The following CDC73 variants were observed in gnomAD, a reference collection of about 807,000 sequenced individuals.
CDC73 encodes cell division cycle 73, also known as parafibromin.
Under a neutral mutation model 83.7 loss-of-function variants are expected in CDC73, and 21 were observed. The ratio of observed to expected loss-of-function variants is 0.25; its 90% CI spans 0.18 to 0.36. CDC73 has a LOEUF of 0.36. Ranked by LOEUF, CDC73 falls within the 10% of genes least tolerant of loss-of-function variation. The probability of loss-of-function intolerance (pLI) is 1.00; values close to 1 mark genes in which losing one functional copy is unlikely to be tolerated. For missense variants in CDC73, 342 were observed against 653.3 expected, an observed-to-expected ratio of 0.52 and a Z score of 5.19; for synonymous variants, 224 against 212.9, an observed-to-expected ratio of 1.05 and a Z score of -0.45.
intron 10 of CDC73, among the ~76,000 whole-genome samples, chr1:193,177,398 C>T (rs1164426420): frequency 6.9e-6 from 1 of 145,560 alleles, no homozygotes. Context: ...GGCGCGGTGG[C>T]AGGCACCTGT....
intron 15 of CDC73, among the ~76,000 whole-genome samples, chr1:193,240,458 C>A (rs1164168478): frequency 2.6e-5 from 4 of 152,176 alleles, no homozygotes; most frequent in African/African-American, 9.6e-5. Flanking sequence ...AGTGGCTCTA[C>A]TAACTTATAT....
chr1:193,240,036 A>C (rs949023616), intron 15 of CDC73, among the ~76,000 whole-genome samples: 10 of 152,122 alleles, frequency 6.6e-5, no homozygotes, highest in Admixed American at 2.0e-4. Flanking sequence ...CCAACCCTCT[A>C]GTATCTTATC....
At chr1:193,180,899 C>T (rs1465693031) in intron 10 of CDC73, 1 of 1,613,806 alleles carries the variant, frequency 6.2e-7, no homozygotes, top group Non-Finnish European at 8.5e-7. Flanking sequence ...TAGTACGTAT[C>T]TAAGTATTCC....
chr1:193,242,156 G>A (rs1677873842), intron 15 of CDC73, among the ~76,000 whole-genome samples: 3 of 148,866 alleles, frequency 2.0e-5, no homozygotes. Context: ...TAGGGTGTAA[G>A]GACTCTTGGG....
chr1:193,124,367 A>G (rs1490786232), intron 1 of CDC73, among the ~76,000 whole-genome samples: 1 of 152,182 alleles, frequency 6.6e-6, no homozygotes, highest in Admixed American at 6.6e-5. Context: ...ACAATAATTG[A>G]TGGTGTGTGG....
At chr1:193,140,648 T>C (rs892461430) in intron 6 of CDC73, among the ~76,000 whole-genome samples, 1 of 152,174 alleles carries the variant, frequency 6.6e-6, no homozygotes, top group African/African-American at 2.4e-5. Context: ...ATTAAGCGAC[T>C]AACAGGCAGT....
chr1:193,180,660 G>T, intron 10 of CDC73: 3 of 1,614,072 alleles, frequency 1.9e-6, no homozygotes, highest in Non-Finnish European at 2.5e-6. Context: ...TTGGGTAGAG[G>T]TCTGGTGGCA....
intron 11 of CDC73, among the ~76,000 whole-genome samples, chr1:193,207,628 A>G (rs1236303764): frequency 6.6e-6 from 1 of 152,166 alleles, no homozygotes; most frequent in Non-Finnish European, 1.5e-5. Context: ...CTGCAAGAAG[A>G]AAAATATGGC....
chr1:193,150,242 G>T, intron 8 of CDC73, 62 bp from the exon 9 acceptor site: 1 of 1,204,734 alleles, frequency 8.3e-7, no homozygotes, highest in Non-Finnish European at 1.2e-6. Flanking sequence ...CTGCACTCCA[G>T]CACATTAAAT....
At chr1:193,209,881 C>T (rs1485207162) in intron 11 of CDC73, among the ~76,000 whole-genome samples, 1 of 152,150 alleles carries the variant, frequency 6.6e-6, no homozygotes, top group Middle Eastern at 3.4e-3. Flanking sequence ...TTCCTCTCCC[C>T]CCTCTCTGCC....
chr1:193,222,391 A>G (rs936790065), intron 13 of CDC73, among the ~76,000 whole-genome samples: 1 of 152,366 alleles, frequency 6.6e-6, no homozygotes, highest in Non-Finnish European at 1.5e-5. Context: ...AAAAATTACC[A>G]GAGCGTAGAC....
At chr1:193,182,119 A>C (rs1676727092) in intron 10 of CDC73, among the ~76,000 whole-genome samples, 1 of 152,138 alleles carries the variant, frequency 6.6e-6, no homozygotes, top group Non-Finnish European at 1.5e-5. Flanking sequence ...CCTTTTTTGT[A>C]AAATGGTCAT....
intron 10 of CDC73, among the ~76,000 whole-genome samples, chr1:193,183,436 G>C (rs557355827): frequency 6.8e-6 from 1 of 147,790 alleles, no homozygotes; most frequent in East Asian, 2.0e-4. Flanking sequence ...CTATTTGTTA[G>C]AATTTGTTTA....
intron 10 of CDC73, among the ~76,000 whole-genome samples, chr1:193,199,541 G>A (rs1024869031): frequency 4.0e-5 from 6 of 151,872 alleles, no homozygotes; most frequent in Admixed American, 6.6e-5. Context: ...GTGAAACTCT[G>A]TTTCTACTAA....
intron 8 of CDC73, among the ~76,000 whole-genome samples, chr1:193,149,862 C>T (rs1415649604): frequency 6.6e-6 from 1 of 152,134 alleles, no homozygotes; most frequent in African/African-American, 2.4e-5. Context: ...AATACGTCTT[C>T]AGTCTTACTC....
At chr1:193,126,853 G>A (rs970173718) in intron 2 of CDC73, among the ~76,000 whole-genome samples, 36 of 152,086 alleles carry the variant, frequency 2.4e-4, no homozygotes, top group African/African-American at 7.7e-4. Context: ...ACCTAACACC[G>A]TTGCTGGATC....
intron 2 of CDC73, 128 bp from the exon 3 acceptor site, chr1:193,130,046 A>G (rs1034752906): frequency 1.6e-6 from 1 of 644,626 alleles, no homozygotes. Context: ...GTCATTTTTT[A>G]CAAATGTGAT....
chr1:193,224,466 C>G (rs536716999), intron 13 of CDC73, among the ~76,000 whole-genome samples: 1 of 148,084 alleles, frequency 6.8e-6, no homozygotes, highest in Admixed American at 6.7e-5. Flanking sequence ...TATGCACATA[C>G]GAAATTTATG....
At chr1:193,225,276 A>G (rs1239952203) in intron 13 of CDC73, among the ~76,000 whole-genome samples, 1 of 148,876 alleles carries the variant, frequency 6.7e-6, no homozygotes, top group East Asian at 2.0e-4. Context: ...ATATATATCC[A>G]CATACTACGG....
Sources: allele counts gnomAD v4.1 joint callset (sites outside exome capture counted in the v4.1 genomes callset), GRCh38; gene constraint gnomAD v4.1.1; transcripts MANE v1.5; gene names NCBI Gene and HGNC (gene_info 2026-07-23, HGNC 2026-07-21).